Variants in MRPS2 observed in about 807,000 individuals in gnomAD.
MRPS2 encodes the protein small ribosomal subunit protein uS2m.
Under a neutral mutation model 18.9 loss-of-function variants are expected in MRPS2, and 13 were observed. That is an observed-to-expected ratio of 0.69 (90% CI 0.45 to 1.09). MRPS2 has a LOEUF of 1.09. MRPS2 is among the 50% of genes least tolerant of loss of function. The pLI is 0.00. For missense variants in MRPS2, 389 were observed against 421.7 expected, an observed-to-expected ratio of 0.92 and a Z score of 0.68; for synonymous variants, 186 against 178.4, an observed-to-expected ratio of 1.04 and a Z score of -0.34.
rs889154140 is a variant in MRPS2 at position 135,501,862 on chromosome 9, T to C, written c.188T>C (p.Leu63Ser). 1 of 1,613,664 alleles carries C rather than the reference T, an allele frequency of 6.2e-7. No homozygotes were observed. The highest frequency in any genetic ancestry group is 8.5e-7 in the Non-Finnish European group (1 of 1,179,938). Residue 63 changes from leucine to serine, a missense_variant, in exon 3 of 4, where the codon TTG becomes TCG. Leu to Ser is a moderately radical substitution (Grantham distance 145, BLOSUM62 -2). Transcript: ENST00000241600. ...EDSTDFNDKI[L>S]NEPLKHSDFF... The stretch of plus-strand genomic sequence containing the variant: ...GCCGTAGATTTCAACGACAAGATTT[T>C]GAATGAGCCCCTCAAGCACTCTGAC...
Position 135,504,565 on chromosome 9 carries a change from G to T in MRPS2, c.*432G>T, listed in dbSNP as rs903786925. ...TGGTTCCAGGGGGCTGTTTTGTAATGAGATGCTGCTGGCAGGCCACTCAGA... is the reference window on the plus strand; with the variant it reads ...TGGTTCCAGGGGGCTGTTTTGTAATTAGATGCTGCTGGCAGGCCACTCAGA... On this transcript the variant is annotated 3_prime_UTR_variant, in exon 4 of 4. Transcript: ENST00000241600. The surrounding 1 kb of genome is among the most constrained non-coding windows in gnomAD (Gnocchi z 4.3). 5.3e-5 allele frequency: 9 copies of T among 170,970 alleles called. No homozygotes were observed. The highest frequency in any genetic ancestry group is 2.1e-4 in the African/African-American group (9 of 41,932). 10.6% of individuals were successfully genotyped at this position (170,970 alleles called of 1,614,324 possible). A position where few individuals can be genotyped will look rare whatever the true frequency, so the allele number is the denominator to read the frequency against.
At position 135,503,815 on chromosome 9, in the gene MRPS2, C is replaced by A; in HGVS notation, c.573C>A (p.Asp191Glu). ...LLFGPTVRLPDLIIFLHTLNN... is the reference protein window; with the variant it reads ...LLFGPTVRLPELIIFLHTLNN... The stretch of plus-strand genomic sequence containing the variant: ...TTGGCCCCACGGTCCGCCTGCCGGA[C>A]CTCATCATCTTCCTGCACACGCTCA... The change falls in exon 4 of 4, where the codon GAC (aspartate) becomes GAA (glutamate). Residue 191 changes from aspartate to glutamate, a missense_variant. Transcript: ENST00000241600. The A allele has an allele frequency of 6.2e-7, 1 of 1,613,544 alleles. No homozygotes were observed. Among genetic ancestry groups the A allele is most frequent in the Non-Finnish European group, 8.5e-7 (1 of 1,180,038 alleles).
intron 1 of MRPS2, 74 bp from the exon 2 acceptor site, chr9:135,500,924 G>T (rs757335827): frequency 1.9e-6 from 3 of 1,595,492 alleles, no homozygotes; most frequent in Admixed American, 3.3e-5. Context: ...GGAGGGGCCC[G>T]TTGGGGATGC....
Position 135,504,412 on chromosome 9 carries a change from T to C in MRPS2, c.*279T>C, listed in dbSNP as rs969019321. The C allele has an allele frequency of 1.3e-5, 6 of 477,100 alleles. No individual in the cohort carries two copies. Among genetic ancestry groups the C allele is most frequent in the African/African-American group, 1.2e-4 (6 of 50,956 alleles). 29.6% of individuals were successfully genotyped at this position (477,100 alleles called of 1,614,324 possible). A position where few individuals can be genotyped will look rare whatever the true frequency, so the allele number is the denominator to read the frequency against. On this transcript the variant is annotated 3_prime_UTR_variant, in exon 4 of 4. Coordinates refer to ENST00000241600, the MANE Select transcript of MRPS2 (RefSeq NM_016034.5). This position sits in a 1 kb window ranked among gnomAD's most constrained non-coding sequence, Gnocchi z 4.3. ...TCAGTGGCTGGTATGGCCAAGCTGCTAGAAGATGCTGCTGTCCCTGTGATC... is the reference window on the plus strand; with the variant it reads ...TCAGTGGCTGGTATGGCCAAGCTGCCAGAAGATGCTGCTGTCCCTGTGATC...
chr9:135,503,895 C>T lies in MRPS2; in HGVS notation c.653C>T (p.Pro218Leu). 6.2e-7 allele frequency: 1 copy of T among 1,614,076 alleles called. No homozygotes were observed. The highest frequency in any genetic ancestry group is 8.5e-7 in the Non-Finnish European group (1 of 1,180,044). ...AVRDAAKMNI[P>L]TVGIVDTNCN... ...AGAGACGCAGCCAAGATGAACATCCCCACAGTGGGCATCGTGGACACCAAC... is the reference window on the plus strand; with the variant it reads ...AGAGACGCAGCCAAGATGAACATCCTCACAGTGGGCATCGTGGACACCAAC... The change falls in exon 4 of 4, where the codon CCC becomes CTC. Residue 218 changes from proline to leucine, a missense_variant. By Grantham distance (98) the Pro-to-Leu change is moderately conservative. Transcript: ENST00000241600.
At position 135,501,976 on chromosome 9, in the gene MRPS2, A is replaced by AGGTG; in HGVS notation, c.299+4_299+7dup. On this transcript the variant is annotated splice_donor_region_variant and intron_variant, in intron 3 of 3. Coordinates refer to ENST00000241600, the MANE Select transcript of MRPS2 (RefSeq NM_016034.5). ...CACAAAGCTGGCTGTCGGCACAGGT[A>AGGTG]GGTGACACCCCCATCTGAGCCCGGG... is the stretch of plus-strand genomic sequence containing the variant. The AGGTG allele has an allele frequency of 6.2e-7, 1 of 1,613,206 alleles. No homozygotes were observed. The highest frequency in any genetic ancestry group is 2.2e-5 in the East Asian group (1 of 44,884).
Position 135,501,011 on chromosome 9 carries a change from G to T in MRPS2, c.57G>T (p.Pro19=), listed in dbSNP as rs935712473. The T allele has an allele frequency of 1.2e-6, 2 of 1,611,760 alleles. No homozygotes were observed. Among genetic ancestry groups the T allele is most frequent in the Non-Finnish European group, 1.7e-6 (2 of 1,179,578 alleles). ...ACTTCCCCCCAGGTGCCCGGGCCCC[G>T]TCGCGCTGGTTGGGCTTTCTCGGGA... ...PRILGAGARA[P]SRWLGFLGKA... The change falls in exon 2 of 4, where the codon CCG becomes CCT. Residue 19 remains proline, a synonymous_variant. Transcript: ENST00000241600.
Position 135,504,019 on chromosome 9 carries a change from G to A in MRPS2, c.777G>A (p.Arg259=), listed in dbSNP as rs771150673. The part of the protein sequence containing the change: ...YCRLFQTAIT[R]AKEKRQQVEA... ...GGCTCTTCCAGACGGCCATCACCCG[G>A]GCCAAGGAGAAGCGGCAGCAGGTTG... is the stretch of plus-strand genomic sequence containing the variant. The change falls in exon 4 of 4, where the codon CGG becomes CGA. Residue 259 remains arginine, a synonymous_variant. Coordinates refer to ENST00000241600, the MANE Select transcript of MRPS2 (RefSeq NM_016034.5). The surrounding 1 kb of genome is among the most constrained non-coding windows in gnomAD (Gnocchi z 4.3). 3.7e-6 allele frequency: 6 copies of A among 1,613,472 alleles called. No individual in the cohort carries two copies. In the South Asian group the frequency reaches 6.6e-5, roughly 18 times the overall value.
chr9:135,501,011 G>A lies in MRPS2; in HGVS notation c.57G>A (p.Pro19=). Residue 19 remains proline, a synonymous_variant, in exon 2 of 4, where the codon CCG becomes CCA. Transcript: ENST00000241600. ...ACTTCCCCCCAGGTGCCCGGGCCCC[G>A]TCGCGCTGGTTGGGCTTTCTCGGGA... The part of the protein sequence containing the change: ...PRILGAGARA[P]SRWLGFLGKA... The A allele has an allele frequency of 6.2e-7, 1 of 1,611,878 alleles. No individual in the cohort carries two copies. The highest frequency in any genetic ancestry group is 8.5e-7 in the Non-Finnish European group (1 of 1,179,570).
chr9:135,504,455 A>G lies in MRPS2; in HGVS notation c.*322A>G. The G allele has an allele frequency of 2.8e-6, 1 of 361,034 alleles. No individual in the cohort carries two copies. Among genetic ancestry groups the G allele is most frequent in the Non-Finnish European group, 5.0e-6 (1 of 198,942 alleles). 22.4% of individuals were successfully genotyped at this position (361,034 alleles called of 1,614,324 possible). On this transcript the variant is annotated 3_prime_UTR_variant, in exon 4 of 4. Coordinates refer to ENST00000241600, the MANE Select transcript of MRPS2 (RefSeq NM_016034.5). The surrounding 1 kb of genome is among the most constrained non-coding windows in gnomAD (Gnocchi z 4.3). ...CTGTGATCCCAGCAGCCCTCCCTTC[A>G]CCGTGACCCCTGACCTTTGTCAGGA...
chr9:135,501,013 C>T lies in MRPS2; in HGVS notation c.59C>T (p.Ser20Leu), dbSNP rs1355593426. 6.2e-6 allele frequency: 10 copies of T among 1,611,730 alleles called. No individual in the cohort carries two copies. The highest frequency in any genetic ancestry group is 8.5e-6 in the Non-Finnish European group (10 of 1,179,584). The part of the protein sequence containing the change: ...RILGAGARAP[S>L]RWLGFLGKAT... ...TTCCCCCCAGGTGCCCGGGCCCCGT[C>T]GCGCTGGTTGGGCTTTCTCGGGAAG... The change falls in exon 2 of 4, where the codon TCG becomes TTG. Residue 20 changes from serine (S) to leucine (L), a missense_variant. Physicochemically the swap from Ser to Leu is moderately radical, Grantham distance 145. Coordinates refer to ENST00000241600, the MANE Select transcript of MRPS2 (RefSeq NM_016034.5).
intron 2 of MRPS2, chr9:135,501,398 G>A: frequency 7.9e-7 from 1 of 1,269,754 alleles, no homozygotes; most frequent in Non-Finnish European, 1.0e-6. Flanking sequence ...GGACCACCGA[G>A]GCCCGGAGCC....
rs1831233484 is a variant in MRPS2 at position 135,504,189 on chromosome 9, C to A, written c.*56C>A. The A allele has an allele frequency of 2.8e-6, 4 of 1,436,990 alleles. No homozygotes were observed. Among genetic ancestry groups the A allele is most frequent in the Non-Finnish European group, 3.7e-6 (4 of 1,078,110 alleles). The allele number at this position is 1,436,990 out of a possible 1,614,324, so 89.0% of individuals were successfully genotyped here. On this transcript the variant is annotated 3_prime_UTR_variant, in exon 4 of 4. Coordinates refer to ENST00000241600, the MANE Select transcript of MRPS2 (RefSeq NM_016034.5). This position sits in a 1 kb window ranked among gnomAD's most constrained non-coding sequence, Gnocchi z 4.3. ...CCAAGCCTGTCTGAGCTGGGAGTCC[C>A]CTTCCCCAGCCCTGGGTCAGCGGCA...
At chr9:135,503,514 C>A (rs565431936) in intron 3 of MRPS2, 28 bp from the exon 4 acceptor site, 31 of 1,596,456 alleles carry the variant, frequency 1.9e-5, no homozygotes, top group Non-Finnish European at 2.7e-5. Flanking sequence ...AACTCTCATC[C>A]CCCTTGCCTT....
chr9:135,501,235 C>G, intron 2 of MRPS2, 112 bp downstream of exon 2: 1 of 1,445,822 alleles, frequency 6.9e-7, no homozygotes, highest in Non-Finnish European at 9.1e-7. Context: ...ACTGCGCGCT[C>G]CGCTGGGCTC....
rs146555995 is a variant in MRPS2 at position 135,503,423 on chromosome 9, C to T, written c.300-119C>T. Reference sequence around the variant, plus strand: ...GCGTTGCAAATTGTGCTTCCCAGCCCATAGTGCCCCCACAGAGGAGCCCGG... The same window carrying T: ...GCGTTGCAAATTGTGCTTCCCAGCCTATAGTGCCCCCACAGAGGAGCCCGG... On this transcript the variant is annotated intron_variant, in intron 3 of 3. Transcript: ENST00000241600. The T allele has an allele frequency of 3.3e-4, 453 of 1,390,034 alleles. 1 individual carries two copies. The East Asian group carries it at 0.011, about 33-fold the overall frequency. The allele number at this position is 1,390,034 out of a possible 1,614,324, so 86.1% of individuals were successfully genotyped here.
At chr9:135,500,010 C>G (rs1831075447), upstream of MRPS2, 4 of 818,084 alleles carry the variant, frequency 4.9e-6, no homozygotes, top group Admixed American at 3.5e-5. Context: ...CCCCAAGGGC[C>G]GGGAAGGTCG....
rs1831090759 is a variant in MRPS2 at position 135,500,722 on chromosome 9, C to G, written c.12C>G (p.Ser4=). 6.8e-7 allele frequency: 1 copy of G among 1,480,606 alleles called. No individual in the cohort carries two copies. The highest frequency in any genetic ancestry group is 8.9e-7 in the Non-Finnish European group (1 of 1,121,536). The allele number at this position is 1,480,606 out of a possible 1,614,324, so 91.7% of individuals were successfully genotyped here. A position where few individuals can be genotyped will look rare whatever the true frequency, so the allele number is the denominator to read the frequency against. Residue 4 remains serine (S), a synonymous_variant, in exon 1 of 4, where the codon TCC becomes TCG. Transcript: ENST00000241600. MAT[S]SAALPRILGA... is the part of the protein sequence containing the mutation. ...CCCGCGTCCCAGCCATGGCGACATC[C>G]TCGGCCGCGCTGCCCCGAATACTCG...
chr9:135,500,034 T>G, upstream of MRPS2: 33 of 662,112 alleles, frequency 5.0e-5, no homozygotes, highest in Non-Finnish European at 5.0e-5. Context: ...CGGCGAGAGA[T>G]TCCCTGCTGG....
Sources: gnomAD v4.1 joint callset for allele counts on GRCh38, gnomAD v4.1.1 for gene constraint, Gnocchi (gnomAD v3.1) non-coding constraint, MANE v1.5 for transcripts, NCBI Gene and HGNC (gene_info 2026-07-23, HGNC 2026-07-21) for gene names.